The following MCF2L2 variants were observed in gnomAD, a reference collection of about 807,000 sequenced individuals.
MCF2L2 encodes the protein MCF.2 cell line derived transforming sequence-like 2.
A neutral mutation model predicts 150.2 loss-of-function variants in MCF2L2; 102 were observed. That is an observed-to-expected ratio of 0.68 (90% CI 0.58 to 0.80). The LOEUF (loss-of-function observed/expected upper bound fraction) is 0.80, where lower values mean the gene tolerates loss of function less well. MCF2L2 is among the 30% of genes least tolerant of loss of function. The probability of loss-of-function intolerance (pLI) is 0.00; values close to 1 mark genes in which losing one functional copy is unlikely to be tolerated. For synonymous variants in MCF2L2, 465 were observed against 491.3 expected (o/e 0.95, Z 0.71); for missense variants, 1,256 against 1,372.8 (o/e 0.91, Z 1.34).
intron 15 of MCF2L2, among the ~76,000 whole-genome samples, chr3:183,262,659 G>A (rs1306988788): frequency 6.6e-6 from 1 of 151,590 alleles, no homozygotes; most frequent in South Asian, 2.1e-4. Context: ...AGGAGCTGAT[G>A]GTGTGTCTGA....
At chr3:183,278,740 G>A (rs1290984030) in intron 14 of MCF2L2, among the ~76,000 whole-genome samples, 1 of 152,188 alleles carries the variant, frequency 6.6e-6, no homozygotes, top group Non-Finnish European at 1.5e-5. Flanking sequence ...ATTGTATGCA[G>A]GGTGGATCAT....
intron 17 of MCF2L2, among the ~76,000 whole-genome samples, chr3:183,229,136 A>G (rs894710235): frequency 1.3e-5 from 2 of 152,222 alleles, no homozygotes; most frequent in African/African-American, 2.4e-5. Flanking sequence ...ACAAGTTACC[A>G]TTCCCATATG....
In MCF2L2 at chr3:183,314,897, T is replaced by C. The variant is rs1729533116; in HGVS notation, c.754-3125A>G. ...AATACAAGTTTAAACAGTATCTCTT[T>C]TTTTCTTTTCTTTTTTTTTTTTTTT... On this transcript the variant is annotated intron_variant, in intron 7 of 29. Coordinates refer to ENST00000328913, the MANE Select transcript of MCF2L2 (RefSeq NM_015078.4). Among the ~76,000 whole-genome samples the C allele has an allele frequency of 1.0e-3, 5 of 4,770 alleles. No homozygotes were observed. In the South Asian group the frequency reaches 0.043, roughly 41 times the overall value. 3.1% of individuals were successfully genotyped at this position (4,770 alleles called of 152,430 possible).
intron 14 of MCF2L2, among the ~76,000 whole-genome samples, chr3:183,281,362 CTTTTTTTTTTTTT>C (rs773642295): frequency 8.2e-6 from 1 of 121,756 alleles, no homozygotes; most frequent in Non-Finnish European, 1.8e-5. Context: ...GGAACCTCAC[CTTTTTTTTTTTTT>C]TTTTTTTGGA....
chr3:183,205,566 G>A (rs1462466953), intron 25 of MCF2L2, among the ~76,000 whole-genome samples: 1 of 152,064 alleles, frequency 6.6e-6, no homozygotes, highest in Non-Finnish European at 1.5e-5. Context: ...GGTAGCATTG[G>A]CCATTTGAAT....
intron 19 of MCF2L2, among the ~76,000 whole-genome samples, chr3:183,223,659 C>T (rs1337683718): frequency 6.6e-6 from 1 of 152,146 alleles, no homozygotes; most frequent in African/African-American, 2.4e-5. Context: ...TTTTTACAGG[C>T]ATCTAGGGAA....
chr3:183,310,528 TG>T, intron 9 of MCF2L2: 1 of 270,746 alleles, frequency 3.7e-6, no homozygotes, highest in Non-Finnish European at 7.3e-6. Flanking sequence ...GGTGTGATGG[TG>T]GGGCATGCCT....
chr3:183,298,970 G>A (rs1292099175), intron 11 of MCF2L2: 1 of 152,260 alleles, frequency 6.6e-6, no homozygotes. Flanking sequence ...TAAGCGCCTG[G>A]GTGGGTGCCC....
At chr3:183,404,569 T>A (rs776135892) in intron 1 of MCF2L2, among the ~76,000 whole-genome samples, 3 of 152,140 alleles carry the variant, frequency 2.0e-5, no homozygotes, top group Admixed American at 6.5e-5. Context: ...ATTCTACTTG[T>A]AAAACAATAT....
chr3:183,280,223 A>G lies in MCF2L2; in HGVS notation c.1777-3266T>C, dbSNP rs144617989. On this transcript the variant is annotated intron_variant, in intron 14 of 29. Coordinates refer to ENST00000328913, the MANE Select transcript of MCF2L2 (RefSeq NM_015078.4). ...GAAAGGTAACTTCTTACATCTTTCCAAAACACTTATAATCTAATTGTTCTT... is the reference window on the plus strand; with the variant it reads ...GAAAGGTAACTTCTTACATCTTTCCGAAACACTTATAATCTAATTGTTCTT... Among the ~76,000 whole-genome samples the G allele has an allele frequency of 3.5e-3, 535 of 152,290 alleles. 3 individuals are homozygous for G. Among genetic ancestry groups the G allele is most frequent in the African/African-American group, 0.012 (501 of 41,544 alleles).
At chr3:183,350,264 T>C (rs2108551605) in intron 3 of MCF2L2, among the ~76,000 whole-genome samples, 1 of 151,950 alleles carries the variant, frequency 6.6e-6, no homozygotes, top group East Asian at 1.9e-4. Context: ...TCCCATAAGG[T>C]ATACATGCTA....
At chr3:183,241,057 AT>A (rs577946834) in intron 15 of MCF2L2, among the ~76,000 whole-genome samples, 24 of 152,232 alleles carry the variant, frequency 1.6e-4, no homozygotes, top group Non-Finnish European at 2.5e-4. Context: ...GATAAAAAAA[AT>A]CAATGATTCC....
chr3:183,187,751 G>A (rs1721747328), intron 27 of MCF2L2, among the ~76,000 whole-genome samples: 1 of 152,224 alleles, frequency 6.6e-6, no homozygotes, highest in Non-Finnish European at 1.5e-5. Context: ...ACAGGCGTGA[G>A]CCACCGCGCC....
chr3:183,330,245 GAAAAAAAAAAA>G (rs200391954), intron 5 of MCF2L2, among the ~76,000 whole-genome samples: 1 of 57,348 alleles, frequency 1.7e-5, no homozygotes, highest in Non-Finnish European at 3.4e-5. Context: ...ACCCTGTCTT[GAAAAAAAAAAA>G]AAAAAAAGAA....
In MCF2L2 at chr3:183,400,854, TA is replaced by T. The variant is rs891648083; in HGVS notation, c.77-11076del. On this transcript the variant is annotated intron_variant, in intron 1 of 29. Transcript: ENST00000328913. The stretch of plus-strand genomic sequence containing the variant: ...GGGATAAACTTTGTAAAGGATGATT[TA>T]AAAAAAAAATAAAAACTTATTCCAG... 1.9e-3 allele frequency among the ~76,000 whole-genome samples: 288 copies of T among 149,518 alleles called. 2 individuals carry two copies. Among genetic ancestry groups the T allele is most frequent in the African/African-American group, 6.6e-3 (270 of 40,834 alleles).
chr3:183,211,688 C>T (rs1722729059), intron 22 of MCF2L2, among the ~76,000 whole-genome samples: 1 of 152,210 alleles, frequency 6.6e-6, no homozygotes, highest in South Asian at 2.1e-4. Flanking sequence ...TCGGAGACCA[C>T]GTTGCACAAC....
intron 5 of MCF2L2, among the ~76,000 whole-genome samples, chr3:183,326,601 A>G (rs1730050295): frequency 2.0e-5 from 3 of 152,052 alleles, no homozygotes; most frequent in Admixed American, 6.6e-5. Context: ...GTTTCATAGG[A>G]AGTTACAAAG....
chr3:183,296,581 C>A (rs1728517838), intron 12 of MCF2L2: 1 of 163,564 alleles, frequency 6.1e-6, no homozygotes, highest in Non-Finnish European at 1.3e-5. Context: ...ACCCTGCATC[C>A]CTCCTTGACA....
rs200602744 is a variant in MCF2L2, at chr3:183,338,887, G to A, written c.399C>T (p.Phe133=). Residue 133 remains phenylalanine (F), a synonymous_variant, in exon 5 of 30, where the codon TTC becomes TTT. Coordinates refer to ENST00000328913, the MANE Select transcript of MCF2L2 (RefSeq NM_015078.4). The part of the protein sequence containing the change: ...VAFPGNLQLI[F]ILRPSRFIQR... ...GGATAAAGCGAGATGGACGAAGGATGAATATGAGCTGTAAGTTTCCTGGAA... is the reference window on the plus strand; with the variant it reads ...GGATAAAGCGAGATGGACGAAGGATAAATATGAGCTGTAAGTTTCCTGGAA... 3.7e-6 allele frequency: 6 copies of A among 1,605,402 alleles called. No homozygotes were observed. Among genetic ancestry groups the A allele is most frequent in the Non-Finnish European group, 5.1e-6 (6 of 1,173,730 alleles).
Sources: gnomAD v4.1 joint callset for allele counts (sites outside exome capture counted in the v4.1 genomes callset) on GRCh38, gnomAD v4.1.1 for gene constraint, MANE v1.5 for transcripts, NCBI Gene and HGNC (gene_info 2026-07-23, HGNC 2026-07-21) for gene names.